The following DOCK5 variants were observed in gnomAD, a reference collection of about 807,000 sequenced individuals.
DOCK5 encodes the protein dedicator of cytokinesis 5.
In DOCK5, 142 loss-of-function variants were observed where a neutral mutation model predicts 251.8. That is an observed-to-expected ratio of 0.56 (90% CI 0.49 to 0.65). The LOEUF (loss-of-function observed/expected upper bound fraction) is 0.65. Among genes scored for constraint, DOCK5 ranks in the 30% least tolerant of loss-of-function variants. DOCK5 has a pLI of 0.00. For missense variants in DOCK5, 2,111 were observed against 2,312.3 expected (o/e 0.91, Z 1.79); for synonymous variants, 842 against 835.5 (o/e 1.01, Z -0.13).
chr8:25,242,691 G>T (rs113979726), intron 1 of DOCK5, among the ~76,000 whole-genome samples: 3,516 of 152,254 alleles, frequency 0.023, 48 homozygotes, highest in Non-Finnish European at 0.034. Context: ...TTATGAGTTA[G>T]TCTATCATTT....
rs376298725 is a variant in DOCK5, at chr8:25,377,502, A to G, written c.3936+78A>G. 3.3e-6 allele frequency: 5 copies of G among 1,498,484 alleles called. No individual in the cohort carries two copies. The African/African-American group carries it at 6.9e-5, about 21-fold the overall frequency. 92.8% of individuals were successfully genotyped at this position (1,498,484 alleles called of 1,614,324 possible). A position where few individuals can be genotyped will look rare whatever the true frequency, so the allele number is the denominator to read the frequency against. On this transcript the variant is annotated intron_variant, in intron 38 of 51. Transcript: ENST00000276440. ...TCGCAATACAATTCTGATGCTCACC[A>G]CTTGGAGTTAGCACTGACTACCCAG...
chr8:25,365,685 T>C (rs1800763114), intron 30 of DOCK5, among the ~76,000 whole-genome samples: 1 of 152,194 alleles, frequency 6.6e-6, no homozygotes, highest in Non-Finnish European at 1.5e-5. Flanking sequence ...TCAGAGGTAC[T>C]TTCAATTTTT....
At chr8:25,311,194 T>G (rs1219118537) in intron 13 of DOCK5, among the ~76,000 whole-genome samples, 1 of 152,222 alleles carries the variant, frequency 6.6e-6, no homozygotes, top group South Asian at 2.1e-4. Context: ...ATTGGTCCCT[T>G]GAATTTTATA....
intron 3 of DOCK5, among the ~76,000 whole-genome samples, chr8:25,270,203 G>A (rs1196285301): frequency 6.6e-6 from 1 of 152,100 alleles, no homozygotes; most frequent in Non-Finnish European, 1.5e-5. Flanking sequence ...AGTTATTCTA[G>A]TGTCGCATGT....
chr8:25,190,773 TGG>T (rs1201458430), intron 1 of DOCK5, among the ~76,000 whole-genome samples: 1 of 80,778 alleles, frequency 1.2e-5, no homozygotes, highest in Admixed American at 2.1e-4. Flanking sequence ...AACTTGGTCA[TGG>T]GTTTTTTTTT....
chr8:25,345,975 G>A (rs1033213144), intron 26 of DOCK5, among the ~76,000 whole-genome samples: 1 of 152,036 alleles, frequency 6.6e-6, no homozygotes, highest in Admixed American at 6.5e-5. Context: ...CCAGCCTCCC[G>A]AGTAGCTGGG....
At chr8:25,185,800 T>C (rs1801415643) in intron 1 of DOCK5, among the ~76,000 whole-genome samples, 1 of 152,176 alleles carries the variant, frequency 6.6e-6, no homozygotes, top group Non-Finnish European at 1.5e-5. Context: ...ACAATAGATG[T>C]GCGGGGATTT....
intron 5 of DOCK5, among the ~76,000 whole-genome samples, chr8:25,291,188 G>A (rs569935002): frequency 1.3e-5 from 2 of 152,250 alleles, no homozygotes; most frequent in African/African-American, 4.8e-5. Flanking sequence ...GAGGGGCATG[G>A]CTAGAGTTTT....
intron 1 of DOCK5, among the ~76,000 whole-genome samples, chr8:25,196,768 C>T (rs939219522): frequency 7.2e-5 from 11 of 152,078 alleles, no homozygotes; most frequent in South Asian, 2.1e-4. Flanking sequence ...AATGCAATGA[C>T]GTTATAATGC....
At chr8:25,226,749 C>T (rs1802544912) in intron 1 of DOCK5, among the ~76,000 whole-genome samples, 1 of 152,034 alleles carries the variant, frequency 6.6e-6, no homozygotes, top group Non-Finnish European at 1.5e-5. Context: ...CCACGCCCGG[C>T]TAATTTTTTG....
At chr8:25,321,611 G>T (rs537493653) in intron 16 of DOCK5, among the ~76,000 whole-genome samples, 2 of 152,048 alleles carry the variant, frequency 1.3e-5, no homozygotes, top group Admixed American at 6.5e-5. Context: ...AGAATCTAAC[G>T]CTGCTGCTGA....
At chr8:25,257,540 A>G (rs1803450600) in intron 2 of DOCK5, among the ~76,000 whole-genome samples, 1 of 152,162 alleles carries the variant, frequency 6.6e-6, no homozygotes, top group South Asian at 2.1e-4. Flanking sequence ...TGCTTTTGAA[A>G]TAGCCACCTG....
intron 44 of DOCK5, among the ~76,000 whole-genome samples, chr8:25,393,269 C>G (rs1801292030): frequency 1.3e-5 from 2 of 152,170 alleles, no homozygotes; most frequent in Non-Finnish European, 1.5e-5. Flanking sequence ...AGACTCCTCC[C>G]TCTTCATCTC....
intron 1 of DOCK5, among the ~76,000 whole-genome samples, chr8:25,195,058 C>T (rs898078796): frequency 2.6e-5 from 4 of 151,846 alleles, no homozygotes; most frequent in Admixed American, 2.0e-4. Flanking sequence ...GTAGCTGGGA[C>T]TACAGGTGCG....
chr8:25,311,832 G>A (rs1586318656), intron 13 of DOCK5, among the ~76,000 whole-genome samples: 1 of 151,132 alleles, frequency 6.6e-6, no homozygotes, highest in South Asian at 2.1e-4. Flanking sequence ...TGAGGCAGGA[G>A]AATCGCTTGA....
intron 2 of DOCK5, among the ~76,000 whole-genome samples, chr8:25,259,415 A>T (rs896031074): frequency 6.6e-6 from 1 of 152,100 alleles, no homozygotes; most frequent in African/African-American, 2.4e-5. Flanking sequence ...AAACCTTTTC[A>T]GTTCCTTAAC....
intron 1 of DOCK5, among the ~76,000 whole-genome samples, chr8:25,186,423 G>A (rs1200896141): frequency 1.3e-5 from 2 of 149,902 alleles, no homozygotes; most frequent in Non-Finnish European, 3.0e-5. Context: ...CGCCCAGGCC[G>A]GAGTGCAGTG....
At chr8:25,196,291 T>C (rs1003883576) in intron 1 of DOCK5, among the ~76,000 whole-genome samples, 2 of 152,226 alleles carry the variant, frequency 1.3e-5, no homozygotes, top group Admixed American at 1.3e-4. Context: ...TAGGAGGTTC[T>C]GAGTCATTGG....
chr8:25,362,467 T>C (rs7838006), intron 28 of DOCK5, among the ~76,000 whole-genome samples: 118 of 100,438 alleles, frequency 1.2e-3, no homozygotes, highest in South Asian at 6.3e-3. Flanking sequence ...CTTTTCTTTT[T>C]TTTTTTTTTT....
Sources: allele counts gnomAD v4.1 joint callset (sites outside exome capture counted in the v4.1 genomes callset), GRCh38; gene constraint gnomAD v4.1.1; transcripts MANE v1.5; gene names NCBI Gene and HGNC (gene_info 2026-07-23, HGNC 2026-07-21).